Variants in CRTAC1 observed in about 807,000 individuals in gnomAD.
CRTAC1 encodes cartilage acidic protein 1.
Under a neutral mutation model 67.8 loss-of-function variants are expected in CRTAC1, and 37 were observed. That is an observed-to-expected ratio of 0.55 (90% CI 0.42 to 0.72). The LOEUF is 0.72. CRTAC1 is among the 30% of genes least tolerant of loss of function. The pLI, the probability that CRTAC1 is intolerant of heterozygous loss-of-function variation, is 0.00. For missense variants in CRTAC1, 780 were observed against 931.6 expected (o/e 0.84, Z 2.12); for synonymous variants, 348 against 371.0 (o/e 0.94, Z 0.71).
chr10:97,987,876 C>G (rs2052009206), intron 2 of CRTAC1, among the ~76,000 whole-genome samples: 1 of 152,152 alleles, frequency 6.6e-6, no homozygotes, highest in Non-Finnish European at 1.5e-5. Context: ...ATTTGAAGAT[C>G]AATCCTACCC....
chr10:97,987,077 T>C (rs981667687), intron 2 of CRTAC1, among the ~76,000 whole-genome samples: 12 of 152,160 alleles, frequency 7.9e-5, no homozygotes, highest in African/African-American at 2.9e-4. Flanking sequence ...AAAACAGAGT[T>C]GCCAAAATCA....
At chr10:97,928,688 T>G (rs941062000) in intron 3 of CRTAC1, among the ~76,000 whole-genome samples, 9 of 152,010 alleles carry the variant, frequency 5.9e-5, no homozygotes, top group African/African-American at 2.2e-4. Context: ...GAGGGCTTCA[T>G]GAGGGAGGAG....
chr10:97,905,358 C>G (rs1335748796), intron 6 of CRTAC1, among the ~76,000 whole-genome samples: 1 of 152,178 alleles, frequency 6.6e-6, no homozygotes, highest in Non-Finnish European at 1.5e-5. Flanking sequence ...CAGGTCTCTA[C>G]CTGGGATGCT....
chr10:97,989,286 A>G (rs1842388231), intron 2 of CRTAC1, among the ~76,000 whole-genome samples: 1 of 152,158 alleles, frequency 6.6e-6, no homozygotes, highest in African/African-American at 2.4e-5. Context: ...CACCCAACGC[A>G]CACACAGAGT....
intron 14 of CRTAC1, among the ~76,000 whole-genome samples, chr10:97,872,285 A>G (rs376693323): frequency 3.3e-4 from 51 of 152,312 alleles, no homozygotes; most frequent in African/African-American, 1.2e-3. Flanking sequence ...AGTACCATGC[A>G]GATAGGCAGT....
At chr10:97,898,817 G>T (rs1378074391) in intron 8 of CRTAC1, among the ~76,000 whole-genome samples, 1 of 152,126 alleles carries the variant, frequency 6.6e-6, no homozygotes, top group Non-Finnish European at 1.5e-5. Flanking sequence ...GTGAAAGGGG[G>T]TGACCCTGCA....
chr10:97,983,446 C>T (rs984525056), intron 2 of CRTAC1, among the ~76,000 whole-genome samples: 1 of 151,726 alleles, frequency 6.6e-6, no homozygotes, highest in African/African-American at 2.4e-5. Flanking sequence ...AGTTACAGAA[C>T]AAATAAATAA....
chr10:97,997,539 C>A (rs1390548950), intron 2 of CRTAC1, among the ~76,000 whole-genome samples: 2 of 150,320 alleles, frequency 1.3e-5, no homozygotes, highest in East Asian at 3.9e-4. Flanking sequence ...AATAAGGAAG[C>A]AAGCCACCAG....
intron 3 of CRTAC1, among the ~76,000 whole-genome samples, chr10:97,932,123 G>GC (rs2051012643): frequency 6.6e-6 from 1 of 152,014 alleles, no homozygotes; most frequent in African/African-American, 2.4e-5. Context: ...GACTCACTGG[G>GC]CCCCCCATCT....
intron 2 of CRTAC1, among the ~76,000 whole-genome samples, chr10:97,986,096 G>A (rs2051978163): frequency 6.6e-6 from 1 of 152,218 alleles, no homozygotes; most frequent in African/African-American, 2.4e-5. Flanking sequence ...TGGGAAGGAG[G>A]AAGGGTAAAG....
intron 2 of CRTAC1, among the ~76,000 whole-genome samples, chr10:97,965,920 T>G (rs1351845720): frequency 6.6e-6 from 1 of 152,200 alleles, no homozygotes; most frequent in Non-Finnish European, 1.5e-5. Flanking sequence ...TGGAGATACC[T>G]GACTTGGAAA....
chr10:97,991,420 T>TAAATAAATA (rs1491105941), intron 2 of CRTAC1, among the ~76,000 whole-genome samples: 3 of 147,120 alleles, frequency 2.0e-5, no homozygotes, highest in African/African-American at 5.0e-5. Flanking sequence ...CTTTTAAAAA[T>TAAATAAATA]AATAAATAAA....
rs78334602 is a variant in CRTAC1 at position 98,008,169 on chromosome 10, G to C, written c.224+2969C>G. On this transcript the variant is annotated intron_variant, in intron 2 of 14. Transcript: ENST00000370597. ...CAGACCCAGGCCAGCACCAGCCCTG[G>C]GGCCAAGACCTTCTCTGCTAGTTCT... 7.2e-3 allele frequency among the ~76,000 whole-genome samples: 1,099 copies of C among 152,246 alleles called. 14 individuals carry two copies. Among genetic ancestry groups the C allele is most frequent in the African/African-American group, 0.024 (980 of 41,540 alleles).
chr10:97,966,518 T>C (rs1590245854), intron 2 of CRTAC1, among the ~76,000 whole-genome samples: 1 of 152,240 alleles, frequency 6.6e-6, no homozygotes, highest in East Asian at 1.9e-4. Context: ...CAGTTTCCCC[T>C]ATCATTAACA....
At position 97,895,783 on chromosome 10, in the gene CRTAC1, C is replaced by T. The variant is rs2050448819; in HGVS notation, c.1317+102G>A. ...CAGGGCCCGGGACTTCCATTACCCACCATGCTGGCCAAGCCAGCACCCCGG... is the reference window on the plus strand; with the variant it reads ...CAGGGCCCGGGACTTCCATTACCCATCATGCTGGCCAAGCCAGCACCCCGG... On this transcript the variant is annotated intron_variant, in intron 10 of 14. Transcript: ENST00000370597. This position sits in a 1 kb window ranked among gnomAD's most constrained non-coding sequence, Gnocchi z 4.2. 1 of 935,600 alleles carries T rather than the reference C, an allele frequency of 1.1e-6. No homozygotes were observed. Among genetic ancestry groups the T allele is most frequent in the African/African-American group, 1.6e-5 (1 of 60,738 alleles). 58.0% of individuals were successfully genotyped at this position (935,600 alleles called of 1,614,324 possible).
chr10:98,024,477 G>A (rs1005758722), intron 1 of CRTAC1, among the ~76,000 whole-genome samples: 19 of 152,236 alleles, frequency 1.2e-4, no homozygotes, highest in Non-Finnish European at 2.4e-4. Flanking sequence ...AGGAGAAGTC[G>A]CCATCACCCT....
chr10:97,894,722 A>ATATG, intron 11 of CRTAC1, among the ~76,000 whole-genome samples: 1 of 14,798 alleles, frequency 6.8e-5, no homozygotes, highest in Non-Finnish European at 1.3e-4. Context: ...ATATATATAT[A>ATATG]TATATATATA....
intron 1 of CRTAC1, among the ~76,000 whole-genome samples, chr10:98,026,897 G>C (rs913000573): frequency 4.6e-5 from 7 of 152,080 alleles, no homozygotes; most frequent in Non-Finnish European, 2.9e-5. Flanking sequence ...TAACAAAAGG[G>C]GGCCGGGCGC....
intron 4 of CRTAC1, among the ~76,000 whole-genome samples, chr10:97,917,973 T>A (rs1425890729): frequency 6.6e-6 from 1 of 152,154 alleles, no homozygotes; most frequent in Non-Finnish European, 1.5e-5. Flanking sequence ...TGTGCCTCCC[T>A]CCAGCTGAGC....
Sources: allele counts gnomAD v4.1 joint callset (sites outside exome capture counted in the v4.1 genomes callset), GRCh38; gene constraint gnomAD v4.1.1; non-coding constraint Gnocchi (gnomAD v3.1); transcripts MANE v1.5; gene names NCBI Gene and HGNC (gene_info 2026-07-23, HGNC 2026-07-21).